ELF2: variants seen among roughly 807,000 people sequenced by gnomAD.
ELF2 encodes E74 like ETS transcription factor 2.
Under a neutral mutation model 54.8 loss-of-function variants are expected in ELF2, and 11 were observed. The ratio of observed to expected loss-of-function variants is 0.20; its 90% confidence interval spans 0.13 to 0.33. The LOEUF is 0.33. Ranked by LOEUF, ELF2 falls within the 10% of genes least tolerant of loss-of-function variation. ELF2 has a pLI of 1.00. For synonymous variants in ELF2, 203 were observed against 245.1 expected, an observed-to-expected ratio of 0.83 and a Z score of 1.61; for missense variants, 513 against 703.0, an observed-to-expected ratio of 0.73 and a Z score of 3.06.
At position 139,057,817 on chromosome 4, in the gene ELF2, CTT is replaced by C. The variant is rs1727242944; in HGVS notation, c.*1164_*1165del. The C allele has an allele frequency of 6.6e-6, 1 of 152,524 alleles. No homozygotes were observed. Among genetic ancestry groups the C allele is most frequent in the Non-Finnish European group, 1.5e-5 (1 of 68,012 alleles). 9.4% of individuals were successfully genotyped at this position (152,524 alleles called of 1,614,324 possible). ...CCTAACTAAAACACTTCTATACTGA[CTT>C]TTAAATATTGTTTAAAATATCACCA... On this transcript the variant is annotated 3_prime_UTR_variant, in exon 10 of 10. Transcript: ENST00000686138.
At position 139,058,668 on chromosome 4, in the gene ELF2, C is replaced by T; in HGVS notation, c.*315G>A. ...CCACTGAAAACTATATAACCTCTTA[C>T]AGAATGTTAGTGTTCCAAGTCTTAG... is the stretch of plus-strand genomic sequence containing the variant. On this transcript the variant is annotated 3_prime_UTR_variant, in exon 10 of 10. Transcript: ENST00000686138. 1 of 252,074 alleles carries T rather than the reference C, an allele frequency of 4.0e-6. No homozygotes were observed. 15.6% of individuals were successfully genotyped at this position (252,074 alleles called of 1,614,324 possible).
chr4:139,109,481 A>G (rs1309783357), intron 4 of ELF2, among the ~76,000 whole-genome samples: 2 of 152,214 alleles, frequency 1.3e-5, no homozygotes, highest in Non-Finnish European at 2.9e-5. Context: ...CTAAAGGTAT[A>G]AGGCTGTTCT....
intron 4 of ELF2, among the ~76,000 whole-genome samples, chr4:139,121,275 A>AT (rs1419297175): frequency 4.0e-5 from 6 of 150,490 alleles, no homozygotes; most frequent in South Asian, 2.1e-4. Context: ...CGCCCGGCTA[A>AT]TTTTTTGTAT....
intron 4 of ELF2, among the ~76,000 whole-genome samples, chr4:139,089,694 A>T (rs1732380681): frequency 6.6e-6 from 1 of 152,210 alleles, no homozygotes; most frequent in Non-Finnish European, 1.5e-5. Context: ...ACGTAAATAT[A>T]GCTATTCTTT....
At chr4:139,106,199 T>TA (rs1553962364) in intron 4 of ELF2, among the ~76,000 whole-genome samples, 2 of 152,218 alleles carry the variant, frequency 1.3e-5, no homozygotes, top group Admixed American at 1.3e-4. Context: ...CTCACTCCAT[T>TA]AACGAATATG....
intron 4 of ELF2, among the ~76,000 whole-genome samples, chr4:139,113,621 G>GGACA (rs1312611443): frequency 6.6e-6 from 1 of 152,072 alleles, no homozygotes; most frequent in Non-Finnish European, 1.5e-5. Flanking sequence ...AGACCAAGGA[G>GGACA]GACAGATCGA....
At chr4:139,102,990 C>A (rs1315371984) in intron 4 of ELF2, among the ~76,000 whole-genome samples, 1 of 152,142 alleles carries the variant, frequency 6.6e-6, no homozygotes, top group Non-Finnish European at 1.5e-5. Flanking sequence ...GCAATCTGCC[C>A]ACCTCAGCCT....
intron 1 of ELF2, among the ~76,000 whole-genome samples, chr4:139,140,630 T>A (rs1333892287): frequency 6.6e-6 from 1 of 151,918 alleles, no homozygotes; most frequent in African/African-American, 2.4e-5. Flanking sequence ...AGTGCAAACC[T>A]GTAGTCCCAG....
intron 1 of ELF2, among the ~76,000 whole-genome samples, chr4:139,166,880 T>C (rs1312668081): frequency 1.3e-5 from 2 of 152,262 alleles, no homozygotes; most frequent in Non-Finnish European, 1.5e-5. Flanking sequence ...AAAAATAAAA[T>C]AAAATAAGAG....
intron 4 of ELF2, among the ~76,000 whole-genome samples, chr4:139,114,561 T>TCCAGTCTCTCACACACACACACACA (rs70940492): frequency 9.2e-6 from 1 of 108,646 alleles, no homozygotes; most frequent in East Asian, 3.3e-4. Context: ...GACTTCAGTC[T>TCCAGTCTCTCACACACACACACACA]CACACACACA....
intron 4 of ELF2, 93 bp downstream of exon 4, chr4:139,125,071 G>C: frequency 6.9e-7 from 1 of 1,454,788 alleles, no homozygotes. Flanking sequence ...GCATTAAAAA[G>C]GTTTTTCAGT....
At chr4:139,124,656 T>C (rs998084100) in intron 4 of ELF2, among the ~76,000 whole-genome samples, 3 of 152,206 alleles carry the variant, frequency 2.0e-5, no homozygotes, top group Admixed American at 6.5e-5. Flanking sequence ...TCACCAGAAA[T>C]AGACTGAAAT....
intron 4 of ELF2, among the ~76,000 whole-genome samples, chr4:139,122,900 C>A (rs1338966501): frequency 6.6e-6 from 1 of 151,976 alleles, no homozygotes; most frequent in Non-Finnish European, 1.5e-5. Flanking sequence ...AATCCATGAG[C>A]CAGGCTGGGC....
At chr4:139,128,152 A>G (rs1428060608) in intron 3 of ELF2, among the ~76,000 whole-genome samples, 1 of 149,712 alleles carries the variant, frequency 6.7e-6, no homozygotes, top group Non-Finnish European at 1.5e-5. Flanking sequence ...GCTCTTGCCT[A>G]TAGTCCTAGC....
chr4:139,077,190 T>C (rs941620022), intron 4 of ELF2, among the ~76,000 whole-genome samples: 1 of 152,028 alleles, frequency 6.6e-6, no homozygotes, highest in Non-Finnish European at 1.5e-5. Flanking sequence ...ATTTCGAATT[T>C]AAAAAAATAT....
intron 4 of ELF2, among the ~76,000 whole-genome samples, chr4:139,091,922 CACACATATATAT>C (rs1197589486): frequency 5.4e-5 from 8 of 148,812 alleles, no homozygotes; most frequent in East Asian, 3.9e-4. Context: ...AATATATATA[CACACATATATAT>C]ACACATATAT....
chr4:139,088,968 G>T (rs1732292575), intron 4 of ELF2, among the ~76,000 whole-genome samples: 1 of 152,266 alleles, frequency 6.6e-6, no homozygotes, highest in South Asian at 2.1e-4. Context: ...ATGTTATTCA[G>T]CTGGTCTCCA....
intron 4 of ELF2, among the ~76,000 whole-genome samples, chr4:139,091,645 G>A (rs551602060): frequency 2.8e-4 from 43 of 151,978 alleles, no homozygotes; most frequent in Non-Finnish European, 2.5e-4. Flanking sequence ...CATTGCACCC[G>A]GCTATTTTTT....
chr4:139,137,528 T>C, intron 3 of ELF2, 102 bp downstream of exon 3: 1 of 1,157,978 alleles, frequency 8.6e-7, no homozygotes, highest in South Asian at 1.3e-5. Context: ...TTTCATGCTT[T>C]GTACATTTTT....
Sources: allele counts gnomAD v4.1 joint callset (sites outside exome capture counted in the v4.1 genomes callset), GRCh38; gene constraint gnomAD v4.1.1; transcripts MANE v1.5; gene names NCBI Gene and HGNC (gene_info 2026-07-23, HGNC 2026-07-21).